Variants in GPHN observed in about 807,000 individuals in gnomAD.
The protein encoded by GPHN is gephyrin.
A neutral mutation model predicts 95.5 loss-of-function variants in GPHN; 17 were observed. That is an observed-to-expected ratio of 0.18 (90% confidence interval 0.12 to 0.27). The LOEUF (loss-of-function observed/expected upper bound fraction) is 0.27, where lower values mean the gene tolerates loss of function less well. Ranked by LOEUF, GPHN falls within the 10% of genes least tolerant of loss-of-function variation. The pLI is 1.00. For synonymous variants in GPHN, 320 were observed against 322.5 expected (o/e 0.99, Z 0.08); for missense variants, 660 against 978.1 (o/e 0.67, Z 4.34).
intron 10 of GPHN, among the ~76,000 whole-genome samples, chr14:67,025,082 C>T (rs952406714): frequency 7.9e-5 from 12 of 152,074 alleles, no homozygotes; most frequent in African/African-American, 2.9e-4. Flanking sequence ...AGATAAGTCT[C>T]GCATTAGATT....
chr14:67,658,088 G>A, the GPHN span, among the ~76,000 whole-genome samples: 3 of 152,114 alleles, frequency 2.0e-5, no homozygotes, highest in Non-Finnish European at 4.4e-5. Flanking sequence ...ATACAGACCA[G>A]TAGACGAGGA....
chr14:66,511,935 A>G (rs2058055486), intron 1 of GPHN, among the ~76,000 whole-genome samples: 1 of 152,034 alleles, frequency 6.6e-6, no homozygotes. Context: ...CATCTCTAAC[A>G]ACAATAACTT....
At chr14:66,637,143 A>G (rs1204282549) in intron 1 of GPHN, among the ~76,000 whole-genome samples, 2 of 152,118 alleles carry the variant, frequency 1.3e-5, no homozygotes, top group African/African-American at 4.8e-5. Context: ...TGGCTCTTCA[A>G]TTCATTGGTT....
chr14:67,005,211 G>A (rs1241395686), intron 9 of GPHN, among the ~76,000 whole-genome samples: 1 of 151,480 alleles, frequency 6.6e-6, no homozygotes, highest in Non-Finnish European at 1.5e-5. Flanking sequence ...GTGAATAAAT[G>A]CTTGCTACCC....
chr14:66,524,439 T>G (rs1430655371), intron 1 of GPHN, among the ~76,000 whole-genome samples: 2 of 152,150 alleles, frequency 1.3e-5, no homozygotes, highest in Non-Finnish European at 1.5e-5. Context: ...CTATCAAATT[T>G]AGAGCATTGC....
chr14:67,713,147 T>C, the GPHN span, among the ~76,000 whole-genome samples: 1 of 152,096 alleles, frequency 6.6e-6, no homozygotes, highest in African/African-American at 2.4e-5. Flanking sequence ...ACCAGCTTTT[T>C]GTTAACTTTA....
At chr14:67,320,500 T>G in the GPHN span, 1 of 1,095,804 alleles carries the variant, frequency 9.1e-7, no homozygotes, top group Non-Finnish European at 1.2e-6. Context: ...ATTAAAACAC[T>G]GTTGTCAGTG....
chr14:67,089,652 A>G (rs1382666956), intron 12 of GPHN, among the ~76,000 whole-genome samples: 2 of 152,146 alleles, frequency 1.3e-5, no homozygotes, highest in Admixed American at 6.5e-5. Flanking sequence ...CAGATTCCCA[A>G]CACAAGGATA....
At chr14:67,087,016 C>T (rs1189637993) in intron 11 of GPHN, among the ~76,000 whole-genome samples, 166 of 135,644 alleles carry the variant, frequency 1.2e-3, no homozygotes, top group African/African-American at 4.6e-3. Context: ...CCAACCTGGG[C>T]GACAGAGCAA....
At chr14:67,618,196 A>C in the GPHN span, among the ~76,000 whole-genome samples, 2 of 152,118 alleles carry the variant, frequency 1.3e-5, no homozygotes, top group Admixed American at 1.3e-4. Flanking sequence ...GTGACTGTGA[A>C]TCCCTGACCA....
At chr14:66,723,091 C>T (rs542805526) in intron 2 of GPHN, among the ~76,000 whole-genome samples, 148 of 152,122 alleles carry the variant, frequency 9.7e-4, no homozygotes, top group African/African-American at 3.5e-3. Context: ...CTCACTCTGT[C>T]GCCCAGGCTT....
chr14:66,521,025 A>G (rs912303372), intron 1 of GPHN, among the ~76,000 whole-genome samples: 1 of 152,102 alleles, frequency 6.6e-6, no homozygotes, highest in Non-Finnish European at 1.5e-5. Flanking sequence ...CCCACAAAAG[A>G]CATGATCTCA....
At chr14:66,793,543 G>T (rs1164645766) in intron 3 of GPHN, among the ~76,000 whole-genome samples, 1 of 151,900 alleles carries the variant, frequency 6.6e-6, no homozygotes, top group African/African-American at 2.4e-5. Flanking sequence ...TCTTTTGTTG[G>T]GTTTTGAGTG....
chr14:66,798,898 C>A (rs1352198402), intron 3 of GPHN, among the ~76,000 whole-genome samples: 1 of 151,406 alleles, frequency 6.6e-6, no homozygotes, highest in East Asian at 1.9e-4. Flanking sequence ...CTTTAAGATG[C>A]ATTATTAGAT....
At chr14:67,521,895 A>G in the GPHN span, among the ~76,000 whole-genome samples, 61,942 of 152,110 alleles carry the variant, frequency 0.41, 13,609 homozygotes, top group East Asian at 0.51. Context: ...TTGGGGATTA[A>G]GCCGGGCACG....
At chr14:67,213,850 T>C in the GPHN span, among the ~76,000 whole-genome samples, 6 of 152,170 alleles carry the variant, frequency 3.9e-5, no homozygotes, top group Non-Finnish European at 8.8e-5. Flanking sequence ...TTTTAATGAT[T>C]GCCATTCTAA....
chr14:66,692,989 T>C (rs1283042709), intron 2 of GPHN, among the ~76,000 whole-genome samples: 1 of 152,048 alleles, frequency 6.6e-6, no homozygotes, highest in East Asian at 1.9e-4. Context: ...GGGTAACATC[T>C]ATTGATATTT....
intron 9 of GPHN, among the ~76,000 whole-genome samples, chr14:66,972,000 G>A (rs2153592135): frequency 6.6e-6 from 1 of 152,224 alleles, no homozygotes; most frequent in East Asian, 1.9e-4. Flanking sequence ...GGGCGTGGTG[G>A]CTCACATCTG....
At chr14:66,838,255 A>C (rs1479172684) in intron 4 of GPHN, among the ~76,000 whole-genome samples, 2 of 152,160 alleles carry the variant, frequency 1.3e-5, no homozygotes, top group African/African-American at 2.4e-5. Context: ...CAAGGCACTA[A>C]AAACAATATT....
Sources: gnomAD v4.1 joint callset for allele counts (sites outside exome capture counted in the v4.1 genomes callset) on GRCh38, gnomAD v4.1.1 for gene constraint, MANE v1.5 for transcripts, NCBI Gene and HGNC (gene_info 2026-07-23, HGNC 2026-07-21) for gene names.